Variants in CNTNAP2 observed in about 807,000 individuals in gnomAD.
CNTNAP2 encodes contactin-associated protein-like 2.
A neutral mutation model predicts 155.2 loss-of-function variants in CNTNAP2; 98 were observed. The observed-to-expected ratio is 0.63, with a 90% CI of 0.54 to 0.75. The LOEUF is 0.75. Among genes scored for constraint, CNTNAP2 ranks in the 30% least tolerant of loss-of-function variants. The pLI is 0.00. For missense variants in CNTNAP2, 1,727 were observed against 1,688.1 expected (o/e 1.02, Z -0.40); for synonymous variants, 651 against 631.2 (o/e 1.03, Z -0.47).
chr7:147,038,824 C>A (rs1356480181), intron 3 of CNTNAP2, among the ~76,000 whole-genome samples: 1 of 152,158 alleles, frequency 6.6e-6, no homozygotes, highest in Non-Finnish European at 1.5e-5. Flanking sequence ...GATTTTAGTG[C>A]TTTCATTGTT....
At chr7:146,588,175 G>C (rs567886464) in intron 1 of CNTNAP2, among the ~76,000 whole-genome samples, 3 of 151,996 alleles carry the variant, frequency 2.0e-5, no homozygotes, top group African/African-American at 7.3e-5. Flanking sequence ...TAGAGATTTT[G>C]GTGTGGTTTG....
At chr7:147,194,659 A>G (rs1166565273) in intron 8 of CNTNAP2, among the ~76,000 whole-genome samples, 1 of 152,060 alleles carries the variant, frequency 6.6e-6, no homozygotes, top group Non-Finnish European at 1.5e-5. Flanking sequence ...TTTGACTTGC[A>G]TTTCTCTGAT....
At chr7:147,262,033 G>GC (rs1188754662) in intron 8 of CNTNAP2, among the ~76,000 whole-genome samples, 1 of 152,164 alleles carries the variant, frequency 6.6e-6, no homozygotes, top group Non-Finnish European at 1.5e-5. Flanking sequence ...CTTACCGTGA[G>GC]CCAGGCACTG....
At chr7:147,342,049 AT>A (rs754189599) in intron 9 of CNTNAP2, among the ~76,000 whole-genome samples, 1 of 152,112 alleles carries the variant, frequency 6.6e-6, no homozygotes, top group Non-Finnish European at 1.5e-5. Flanking sequence ...CGGTTTACAG[AT>A]GGCCAGCTTC....
chr7:148,210,844 TA>T (rs1358161219), intron 18 of CNTNAP2, among the ~76,000 whole-genome samples: 1 of 152,088 alleles, frequency 6.6e-6, no homozygotes, highest in Non-Finnish European at 1.5e-5. Flanking sequence ...ACAAACAGAA[TA>T]AAAAATTCAG....
At chr7:146,197,087 A>T (rs73162118) in intron 1 of CNTNAP2, among the ~76,000 whole-genome samples, 3,941 of 152,254 alleles carry the variant, frequency 0.026, 52 homozygotes, top group Non-Finnish European at 0.04. Flanking sequence ...AAATGGAAAG[A>T]TCTGCAATAT....
intron 10 of CNTNAP2, among the ~76,000 whole-genome samples, chr7:147,435,047 C>T (rs145902044): frequency 1.5e-3 from 227 of 152,136 alleles, no homozygotes; most frequent in Non-Finnish European, 2.3e-3. Context: ...TGAAAAATGG[C>T]GATCGTTATA....
At chr7:147,938,978 AT>A (rs2116811552) in intron 14 of CNTNAP2, among the ~76,000 whole-genome samples, 1 of 152,170 alleles carries the variant, frequency 6.6e-6, no homozygotes, top group African/African-American at 2.4e-5. Context: ...TCAATATTAG[AT>A]TTTTTAATAT....
intron 1 of CNTNAP2, among the ~76,000 whole-genome samples, chr7:146,367,883 A>G (rs1365232236): frequency 6.6e-6 from 1 of 152,098 alleles, no homozygotes; most frequent in Non-Finnish European, 1.5e-5. Flanking sequence ...TCATCTAAAC[A>G]TTAGCTTGCA....
Position 146,907,319 on chromosome 7 carries a change from G to C in CNTNAP2, c.402+67415G>C, listed in dbSNP as rs572849672. Among the ~76,000 whole-genome samples, 1,208 of 144,284 alleles carry C rather than the reference G, an allele frequency of 8.4e-3. 18 individuals carry two copies. Among genetic ancestry groups the C allele is most frequent in the African/African-American group, 0.031 (1,171 of 38,166 alleles). The allele number at this position is 144,284 out of a possible 152,430, so 94.7% of individuals were successfully genotyped here. ...AGAGAACGCCACAAAGATACTCCTC[G>C]AGAAGAGCAACTCCAAGACACATAA... is the stretch of plus-strand genomic sequence containing the variant. On this transcript the variant is annotated intron_variant, in intron 3 of 23. Transcript: ENST00000361727.
chr7:146,784,656 C>A (rs1013630688), intron 2 of CNTNAP2, among the ~76,000 whole-genome samples: 1 of 152,176 alleles, frequency 6.6e-6, no homozygotes, highest in Non-Finnish European at 1.5e-5. Context: ...AAATTCCTCA[C>A]TCACTTCTAT....
chr7:146,772,739 G>GA (rs978438725), intron 1 of CNTNAP2, among the ~76,000 whole-genome samples: 4 of 152,088 alleles, frequency 2.6e-5, no homozygotes, highest in African/African-American at 9.7e-5. Context: ...AGAACATGGG[G>GA]AAAGAGATAA....
chr7:148,302,258 A>G (rs766241001), intron 21 of CNTNAP2, among the ~76,000 whole-genome samples: 7 of 152,214 alleles, frequency 4.6e-5, no homozygotes, highest in Non-Finnish European at 8.8e-5. Context: ...CTGAGCTTCT[A>G]CTGGCAATGA....
At chr7:147,067,386 G>A (rs1321166905) in intron 4 of CNTNAP2, among the ~76,000 whole-genome samples, 1 of 150,956 alleles carries the variant, frequency 6.6e-6, no homozygotes, top group Non-Finnish European at 1.5e-5. Context: ...TCCAAATGCT[G>A]TTTTATTGGG....
At chr7:147,698,904 A>G in intron 13 of CNTNAP2, among the ~76,000 whole-genome samples, 1 of 152,328 alleles carries the variant, frequency 6.6e-6, no homozygotes, top group East Asian at 1.9e-4. Context: ...AAGTAAATAA[A>G]TAAATAAATA....
intron 1 of CNTNAP2, among the ~76,000 whole-genome samples, chr7:146,602,170 T>C (rs1182833101): frequency 2.6e-5 from 4 of 152,140 alleles, no homozygotes; most frequent in Non-Finnish European, 5.9e-5. Flanking sequence ...GGGAAAGATG[T>C]ATGTTAATTT....
chr7:147,366,800 C>T (rs1796237676), intron 9 of CNTNAP2, among the ~76,000 whole-genome samples: 1 of 142,900 alleles, frequency 7.0e-6, no homozygotes, highest in Admixed American at 7.0e-5. Flanking sequence ...CACACACACA[C>T]ACACACACAC....
At chr7:147,397,614 TAG>T (rs1164509803) in intron 10 of CNTNAP2, among the ~76,000 whole-genome samples, 2 of 151,958 alleles carry the variant, frequency 1.3e-5, no homozygotes, top group Non-Finnish European at 2.9e-5. Context: ...TTTACTCTGA[TAG>T]AGACAGGAGT....
intron 12 of CNTNAP2, among the ~76,000 whole-genome samples, chr7:147,611,963 G>A (rs1801195762): frequency 1.3e-5 from 2 of 152,030 alleles, no homozygotes; most frequent in Admixed American, 6.6e-5. Flanking sequence ...GTTATGTCAG[G>A]GAGATCATAA....
Sources: gnomAD v4.1 joint callset for allele counts (sites outside exome capture counted in the v4.1 genomes callset) on GRCh38, gnomAD v4.1.1 for gene constraint, MANE v1.5 for transcripts, NCBI Gene and HGNC (gene_info 2026-07-23, HGNC 2026-07-21) for gene names.